Variants in CDH8 observed in about 807,000 individuals in gnomAD.
CDH8 encodes the protein cadherin 8, also known as cadherin-8.
In CDH8, 17 loss-of-function variants were observed where a neutral mutation model predicts 68.1. The ratio of observed to expected loss-of-function variants is 0.25; its 90% CI spans 0.17 to 0.37. The LOEUF (loss-of-function observed/expected upper bound fraction) is 0.37. Ranked by LOEUF, CDH8 falls within the 10% of genes least tolerant of loss-of-function variation. CDH8 has a pLI of 1.00. For synonymous variants in CDH8, 372 were observed against 365.1 expected, an observed-to-expected ratio of 1.02 and a Z score of -0.21; for missense variants, 763 against 999.3, an observed-to-expected ratio of 0.76 and a Z score of 3.19.
At chr16:61,728,536 G>T (rs566105765) in intron 8 of CDH8, among the ~76,000 whole-genome samples, 1 of 150,910 alleles carries the variant, frequency 6.6e-6, no homozygotes, top group Non-Finnish European at 1.5e-5. Flanking sequence ...TAATGAACTT[G>T]TTTATTCTTC....
At chr16:61,854,483 A>T (rs966809448) in intron 4 of CDH8, among the ~76,000 whole-genome samples, 1 of 152,028 alleles carries the variant, frequency 6.6e-6, no homozygotes, top group Admixed American at 6.6e-5. Flanking sequence ...TGGGTAGAAG[A>T]TCTGCATTTG....
At chr16:61,983,480 T>C (rs957641613) in intron 2 of CDH8, among the ~76,000 whole-genome samples, 1 of 152,234 alleles carries the variant, frequency 6.6e-6, no homozygotes, top group African/African-American at 2.4e-5. Flanking sequence ...GTGATAGATA[T>C]AGTTACAGCC....
rs139838493 is a variant in CDH8, at chr16:61,744,051, GAC to G, written c.1415-16838_1415-16837del. Among the ~76,000 whole-genome samples, 768 of 152,174 alleles carry G rather than the reference GAC, an allele frequency of 5.0e-3. 3 individuals carry two copies. The highest frequency in any genetic ancestry group is 6.1e-3 in the Non-Finnish European group (415 of 67,972). On this transcript the variant is annotated intron_variant, in intron 8 of 11. Transcript: ENST00000577390. Reference sequence around the variant, plus strand: ...CTGCATGTGTTGAGAGTTGTTTTATGACACAGTTTTTGGCCATTTGGGGTCAA... The same window carrying G: ...CTGCATGTGTTGAGAGTTGTTTTATGACAGTTTTTGGCCATTTGGGGTCAA...
intron 2 of CDH8, among the ~76,000 whole-genome samples, chr16:62,013,556 T>G (rs1901867435): frequency 6.6e-6 from 1 of 152,230 alleles, no homozygotes; most frequent in Non-Finnish European, 1.5e-5. Context: ...GCACTCTGAC[T>G]GTATCACACA....
Position 61,681,863 on chromosome 16 carries a change from T to C in CDH8, c.1655-26142A>G, listed in dbSNP as rs538809616. Among the ~76,000 whole-genome samples, 96 of 151,920 alleles carry C rather than the reference T, an allele frequency of 6.3e-4. 1 individual carries two copies. The highest frequency in any genetic ancestry group is 2.2e-3 in the African/African-American group (91 of 41,468). On this transcript the variant is annotated intron_variant, in intron 10 of 11. Coordinates refer to ENST00000577390, the MANE Select transcript of CDH8 (RefSeq NM_001796.5). ...TCCTTTGAGCAATACTGTGCACGAG[T>C]TGAATGCTGACAATAGCTGGCATCT...
chr16:61,672,522 C>G (rs568694314), intron 10 of CDH8, among the ~76,000 whole-genome samples: 1 of 152,004 alleles, frequency 6.6e-6, no homozygotes, highest in Admixed American at 6.6e-5. Context: ...ATTTGTTATT[C>G]CACCTAAAGT....
intron 8 of CDH8, among the ~76,000 whole-genome samples, chr16:61,728,613 T>G (rs1289496227): frequency 6.6e-6 from 1 of 151,176 alleles, no homozygotes; most frequent in Admixed American, 6.6e-5. Flanking sequence ...ACATTTAACT[T>G]ATGACTCTAA....
chr16:61,959,982 G>GTATATATATATATATA (rs1434686241), intron 2 of CDH8, among the ~76,000 whole-genome samples: 2 of 31,070 alleles, frequency 6.4e-5, no homozygotes, highest in African/African-American at 9.7e-5. Flanking sequence ...GTGTGTGTGT[G>GTATATATATATATATA]TGTATATATA....
intron 9 of CDH8, among the ~76,000 whole-genome samples, chr16:61,721,345 C>T (rs1959215716): frequency 6.6e-6 from 1 of 150,906 alleles, no homozygotes; most frequent in Non-Finnish European, 1.5e-5. Flanking sequence ...TCCTGTCTCC[C>T]TCTTGTGTAT....
intron 2 of CDH8, among the ~76,000 whole-genome samples, chr16:61,950,319 C>G (rs1964872938): frequency 6.6e-6 from 1 of 152,142 alleles, no homozygotes; most frequent in Non-Finnish European, 1.5e-5. Context: ...AGCTGAGAAG[C>G]AGCTCTTCAT....
At chr16:61,664,530 C>A (rs1963628667) in intron 10 of CDH8, among the ~76,000 whole-genome samples, 1 of 151,790 alleles carries the variant, frequency 6.6e-6, no homozygotes, top group African/African-American at 2.4e-5. Context: ...TAAAATAAAT[C>A]AGAGAGAGGG....
At chr16:61,695,148 C>G (rs1964302428) in intron 10 of CDH8, among the ~76,000 whole-genome samples, 1 of 151,822 alleles carries the variant, frequency 6.6e-6, no homozygotes, top group Admixed American at 6.6e-5. Flanking sequence ...TGAATGGAAC[C>G]ATTGGAGTCC....
intron 8 of CDH8, among the ~76,000 whole-genome samples, chr16:61,788,151 T>C (rs902897930): frequency 3.3e-5 from 5 of 152,002 alleles, no homozygotes; most frequent in Admixed American, 3.3e-4. Context: ...ACACAAGCGT[T>C]CTTTTTATAA....
rs1000584477 is a variant in CDH8 at position 61,702,264 on chromosome 16, T to C, written c.1654+11577A>G. Among the ~76,000 whole-genome samples the C allele has an allele frequency of 9.9e-5, 15 of 151,920 alleles. No individual in the cohort carries two copies. The East Asian group carries it at 2.7e-3, about 28-fold the overall frequency. ...GCGGGTGCCTGTAGTCCCAGCTACT[T>C]AGGAGGCTGAGGCAGGAGAATGGCG... On this transcript the variant is annotated intron_variant, in intron 10 of 11. Transcript: ENST00000577390.
chr16:61,842,383 T>C (rs1962706526), intron 4 of CDH8, among the ~76,000 whole-genome samples: 1 of 152,056 alleles, frequency 6.6e-6, no homozygotes, highest in African/African-American at 2.4e-5. Context: ...AAAATATGAG[T>C]TTGGCCCTGT....
At chr16:61,708,456 T>C (rs1964571551) in intron 10 of CDH8, among the ~76,000 whole-genome samples, 1 of 152,162 alleles carries the variant, frequency 6.6e-6, no homozygotes, top group African/African-American at 2.4e-5. Flanking sequence ...AGAAAATTGT[T>C]CACTTCTGCA....
chr16:61,950,638 C>T (rs1964879598), intron 2 of CDH8, among the ~76,000 whole-genome samples: 2 of 152,026 alleles, frequency 1.3e-5, no homozygotes, highest in South Asian at 4.1e-4. Context: ...ATTTTCCCCC[C>T]AAAACCAGTT....
chr16:61,712,511 T>A lies in CDH8; in HGVS notation c.1654+1330A>T, dbSNP rs187055894. The stretch of plus-strand genomic sequence containing the variant: ...AAATCAGAATAAACACGGACCACAC[T>A]TATGCACAGACTTCCAGTTCAGTTT... On this transcript the variant is annotated intron_variant, in intron 10 of 11. Transcript: ENST00000577390. Among the ~76,000 whole-genome samples the A allele has an allele frequency of 7.2e-5, 11 of 151,836 alleles. No individual in the cohort carries two copies. In the East Asian group the frequency reaches 2.1e-3, roughly 29 times the overall value.
chr16:61,734,382 A>G (rs1959618218), intron 8 of CDH8, among the ~76,000 whole-genome samples: 1 of 152,088 alleles, frequency 6.6e-6, no homozygotes, highest in Admixed American at 6.6e-5. Context: ...GGATGCTACA[A>G]TGAGCATGGG....
Sources: allele counts gnomAD v4.1 joint callset (sites outside exome capture counted in the v4.1 genomes callset), GRCh38; gene constraint gnomAD v4.1.1; transcripts MANE v1.5; gene names NCBI Gene and HGNC (gene_info 2026-07-23, HGNC 2026-07-21).